The following EPHB1 variants were observed in gnomAD, a reference collection of about 807,000 sequenced individuals.
The protein encoded by EPHB1 is EPH receptor B1, also known as ephrin type-B receptor 1.
In EPHB1, 30 loss-of-function variants were observed where a neutral mutation model predicts 94.4. The ratio of observed to expected loss-of-function variants is 0.32; its 90% CI spans 0.24 to 0.43. The LOEUF is 0.43. Ranked by LOEUF, EPHB1 falls within the 20% of genes least tolerant of loss-of-function variation. The pLI is 1.00. For synonymous variants in EPHB1, 522 were observed against 489.1 expected (o/e 1.07, Z -0.89); for missense variants, 1,055 against 1,308.3 (o/e 0.81, Z 2.99).
chr3:134,890,578 T>C (rs2037959810), intron 1 of EPHB1, among the ~76,000 whole-genome samples: 1 of 152,238 alleles, frequency 6.6e-6, no homozygotes, highest in Non-Finnish European at 1.5e-5. Flanking sequence ...TATGTACTTG[T>C]TCAGCTCTCC....
intron 2 of EPHB1, among the ~76,000 whole-genome samples, chr3:134,941,740 C>T (rs1356297956): frequency 7.3e-6 from 1 of 137,548 alleles, no homozygotes; most frequent in Non-Finnish European, 1.5e-5. Flanking sequence ...GCATGCTTTA[C>T]ATATGCACAC....
chr3:135,110,181 CA>C (rs954131728), intron 4 of EPHB1, among the ~76,000 whole-genome samples: 2 of 152,202 alleles, frequency 1.3e-5, no homozygotes, highest in Non-Finnish European at 2.9e-5. Flanking sequence ...TTGCTGACCA[CA>C]AAAACCCCTT....
intron 12 of EPHB1, among the ~76,000 whole-genome samples, chr3:135,218,673 C>G (rs981459298): frequency 6.6e-6 from 1 of 152,230 alleles, no homozygotes; most frequent in Non-Finnish European, 1.5e-5. Flanking sequence ...TTCTCCTAGC[C>G]AATACATATT....
At chr3:135,221,391 GTTGT>G (rs1943277186) in intron 12 of EPHB1, among the ~76,000 whole-genome samples, 1 of 152,034 alleles carries the variant, frequency 6.6e-6, no homozygotes, top group East Asian at 1.9e-4. Context: ...CATTTTTGTT[GTTGT>G]TTATTTGTTT....
At chr3:135,143,741 A>G (rs1033954587) in intron 5 of EPHB1, among the ~76,000 whole-genome samples, 14 of 152,200 alleles carry the variant, frequency 9.2e-5, no homozygotes, top group Non-Finnish European at 1.6e-4. Flanking sequence ...CAGTGCTTAG[A>G]TGCCTGCCTG....
chr3:135,133,029 A>G lies in EPHB1; in HGVS notation c.1277A>G (p.Asn426Ser), dbSNP rs1227299089. The change falls in exon 5 of 16, where the codon AAC (asparagine) becomes AGC (serine). Residue 426 changes from asparagine (N) to serine (S), a missense_variant. Coordinates refer to ENST00000398015, the MANE Select transcript of EPHB1 (RefSeq NM_004441.5). Reference sequence around the variant, plus strand: ...TTCCCCCCACAGCACGTCTCTGTCAACATCACCACAAACCAAGCCGGTAAG... The same window carrying G: ...TTCCCCCCACAGCACGTCTCTGTCAGCATCACCACAAACCAAGCCGGTAAG... ...SPFPPQHVSV[N>S]ITTNQAAPST... The G allele has an allele frequency of 1.3e-6, 2 of 1,594,770 alleles. No homozygotes were observed. Among genetic ancestry groups the G allele is most frequent in the Non-Finnish European group, 1.7e-6 (2 of 1,165,770 alleles).
At chr3:135,184,283 C>T (rs553023812) in intron 10 of EPHB1, among the ~76,000 whole-genome samples, 22 of 152,010 alleles carry the variant, frequency 1.4e-4, no homozygotes, top group Non-Finnish European at 1.9e-4. Flanking sequence ...TGAAGACCCA[C>T]GGAGGGAAAG....
chr3:134,959,472 G>A (rs951481217), intron 3 of EPHB1, among the ~76,000 whole-genome samples: 1 of 152,096 alleles, frequency 6.6e-6, no homozygotes, highest in Non-Finnish European at 1.5e-5. Context: ...CAGGAATATC[G>A]AACTTCTGTC....
chr3:135,207,804 T>C (rs1042249060), intron 12 of EPHB1, among the ~76,000 whole-genome samples: 4 of 152,156 alleles, frequency 2.6e-5, no homozygotes, highest in African/African-American at 9.7e-5. Context: ...CTAGGGATGG[T>C]TGGATTCTTA....
At chr3:134,837,816 A>G (rs940941521) in intron 1 of EPHB1, among the ~76,000 whole-genome samples, 1 of 152,206 alleles carries the variant, frequency 6.6e-6, no homozygotes, top group African/African-American at 2.4e-5. Flanking sequence ...TGCAAGGAAA[A>G]TTTAAAAAGA....
intron 3 of EPHB1, among the ~76,000 whole-genome samples, chr3:135,079,069 A>G (rs1192063571): frequency 6.7e-6 from 1 of 149,962 alleles, no homozygotes; most frequent in African/African-American, 2.5e-5. Context: ...GAAATCATGG[A>G]CATACGTAAA....
intron 2 of EPHB1, among the ~76,000 whole-genome samples, chr3:134,939,924 G>A (rs906742158): frequency 1.3e-5 from 2 of 152,232 alleles, no homozygotes; most frequent in Non-Finnish European, 2.9e-5. Flanking sequence ...AAAACAGACT[G>A]CTGAATGGGA....
intron 14 of EPHB1, 119 bp from the exon 15 acceptor site, chr3:135,249,217 C>A: frequency 8.2e-7 from 1 of 1,219,868 alleles, no homozygotes; most frequent in African/African-American, 1.5e-5. Context: ...CAGGGCTCCA[C>A]TATAATCCTC....
intron 3 of EPHB1, among the ~76,000 whole-genome samples, chr3:134,984,909 T>G (rs1255267486): frequency 1.3e-5 from 2 of 151,276 alleles, no homozygotes; most frequent in Admixed American, 6.6e-5. Context: ...AGAGGTAGAG[T>G]AGTTATGTCA....
chr3:134,834,564 G>A (rs922608192), intron 1 of EPHB1, among the ~76,000 whole-genome samples: 22 of 152,122 alleles, frequency 1.4e-4, no homozygotes, highest in African/African-American at 5.1e-4. Context: ...CTGTTGCTTG[G>A]TCCTTATCAA....
chr3:135,162,256 A>G lies in EPHB1; in HGVS notation c.1585+76A>G. ...GAAAAAGTAGCCCCAAAGATGCTGC[A>G]CTAGCCAAAAATGCTGATCTCCAAC... On this transcript the variant is annotated intron_variant, in intron 7 of 15. Coordinates refer to ENST00000398015, the MANE Select transcript of EPHB1 (RefSeq NM_004441.5). 4 of 1,441,152 alleles carry G rather than the reference A, an allele frequency of 2.8e-6. No homozygotes were observed. In the South Asian group the frequency reaches 5.9e-5, roughly 21 times the overall value. 89.3% of individuals were successfully genotyped at this position (1,441,152 alleles called of 1,614,324 possible). A position where few individuals can be genotyped will look rare whatever the true frequency, so the allele number is the denominator to read the frequency against.
intron 1 of EPHB1, among the ~76,000 whole-genome samples, chr3:134,878,065 C>G (rs768703300): frequency 2.6e-5 from 4 of 152,214 alleles, no homozygotes; most frequent in Non-Finnish European, 5.9e-5. Flanking sequence ...CAGCCTTCCC[C>G]CGGAGGGCAG....
intron 3 of EPHB1, among the ~76,000 whole-genome samples, chr3:134,974,368 G>A (rs575501884): frequency 6.6e-6 from 1 of 152,318 alleles, no homozygotes; most frequent in South Asian, 2.1e-4. Flanking sequence ...CTTGGGGTAA[G>A]TTACTTTACC....
intron 3 of EPHB1, among the ~76,000 whole-genome samples, chr3:135,004,266 T>C (rs1659820852): frequency 6.6e-6 from 1 of 151,318 alleles, no homozygotes; most frequent in Non-Finnish European, 1.5e-5. Flanking sequence ...TTCTTTTCTT[T>C]AAGAATGTTG....
Sources: allele counts gnomAD v4.1 joint callset (sites outside exome capture counted in the v4.1 genomes callset), GRCh38; gene constraint gnomAD v4.1.1; transcripts MANE v1.5; gene names NCBI Gene and HGNC (gene_info 2026-07-23, HGNC 2026-07-21).